Variants in MFN2 observed in about 807,000 individuals in gnomAD.
MFN2 encodes the protein mitofusin-2.
A neutral mutation model predicts 87.5 loss-of-function variants in MFN2; 43 were observed. The observed-to-expected ratio is 0.49, with a 90% CI of 0.38 to 0.63. The LOEUF (loss-of-function observed/expected upper bound fraction) is 0.63. MFN2 is among the 30% of genes least tolerant of loss of function. The pLI, the probability that MFN2 is intolerant of heterozygous loss-of-function variation, is 0.00. For missense variants in MFN2, 743 were observed against 972.8 expected (o/e 0.76, Z 3.14); for synonymous variants, 337 against 359.9 (o/e 0.94, Z 0.72).
intron 11 of MFN2, among the ~76,000 whole-genome samples, chr1:12,002,749 TGTTAA>T (rs1291956037): frequency 6.6e-6 from 1 of 152,234 alleles, no homozygotes; most frequent in Non-Finnish European, 1.5e-5. Flanking sequence ...CAGTTGTTTA[TGTTAA>T]GTTAAAATTT....
chr1:12,013,213 G>T lies in MFN2; in HGVS notation c.*1648G>T. ...CTTTTTGAAAAAAAAAAATTCTTTA[G>T]CGTAAACATGAATTTTTTTTCAATG... On this transcript the variant is annotated 3_prime_UTR_variant, in exon 19 of 19. Transcript: ENST00000235329. 2.9e-6 allele frequency: 1 copy of T among 341,570 alleles called. No homozygotes were observed. Among genetic ancestry groups the T allele is most frequent in the Non-Finnish European group, 6.0e-6 (1 of 167,652 alleles). The allele number at this position is 341,570 out of a possible 1,614,324, so 21.2% of individuals were successfully genotyped here. A position where few individuals can be genotyped will look rare whatever the true frequency, so the allele number is the denominator to read the frequency against.
rs572074141 is a variant in MFN2 at position 11,997,525 on chromosome 1, T to A, written c.599+104T>A. On this transcript the variant is annotated intron_variant, in intron 6 of 18. Transcript: ENST00000235329. ...CCCTGGGCCCCATCCTTGCTCTGCT[T>A]AAGTATTACTACCTTTCAGATGGGC... 34 of 1,483,762 alleles carry A rather than the reference T, an allele frequency of 2.3e-5. No individual in the cohort carries two copies. In the African/African-American group the frequency reaches 4.3e-4, roughly 19 times the overall value. 91.9% of individuals were successfully genotyped at this position (1,483,762 alleles called of 1,614,324 possible).
At chr1:11,987,629 CAG>C (rs1557514472) in intron 2 of MFN2, among the ~76,000 whole-genome samples, 1 of 134,810 alleles carries the variant, frequency 7.4e-6, no homozygotes. Flanking sequence ...GACTCTGTCT[CAG>C]AAAAAAAAAA....
intron 14 of MFN2, 120 bp from the exon 15 acceptor site, chr1:12,005,591 C>A: frequency 9.4e-7 from 1 of 1,069,394 alleles, no homozygotes; most frequent in Non-Finnish European, 1.4e-6. Context: ...GGGTGTGGTT[C>A]CCAGGCAAAG....
At position 12,007,262 on chromosome 1, in the gene MFN2, G is replaced by A. The variant is rs766629075; in HGVS notation, c.2069+13G>A. The A allele has an allele frequency of 3.7e-6, 6 of 1,612,962 alleles. No individual in the cohort carries two copies. The East Asian group carries it at 1.3e-4, about 36-fold the overall frequency. ...ACCAAGTCCAGCAGTGAGTGGCCCTGTCGGACCCCAGCAGGGGACTTCCTT... is the reference window on the plus strand; with the variant it reads ...ACCAAGTCCAGCAGTGAGTGGCCCTATCGGACCCCAGCAGGGGACTTCCTT... On this transcript the variant is annotated intron_variant, in intron 17 of 18. Transcript: ENST00000235329.
intron 3 of MFN2, among the ~76,000 whole-genome samples, chr1:11,991,793 G>A (rs954802287): frequency 6.7e-5 from 10 of 149,840 alleles, no homozygotes; most frequent in Non-Finnish European, 3.0e-5. Context: ...GCGTAGTGGC[G>A]GGCGCCTGTA....
intron 2 of MFN2, among the ~76,000 whole-genome samples, chr1:11,985,671 T>G (rs933376248): frequency 6.6e-6 from 1 of 152,106 alleles, no homozygotes; most frequent in African/African-American, 2.4e-5. Context: ...TTTCACCATG[T>G]TGGCTAGACT....
intron 17 of MFN2, among the ~76,000 whole-genome samples, chr1:12,009,387 C>T (rs902444309): frequency 4.6e-5 from 7 of 152,130 alleles, no homozygotes; most frequent in South Asian, 2.1e-4. Flanking sequence ...CTTCTCAGGC[C>T]GTGGTGATGC....
At chr1:11,991,923 CAA>C (rs35314016) in intron 3 of MFN2, among the ~76,000 whole-genome samples, 173 of 16,674 alleles carry the variant, frequency 0.01, no homozygotes, top group African/African-American at 0.03. Context: ...GACTCCGTCT[CAA>C]AAAAAAAAAA....
rs1639706861 is a variant in MFN2 at position 12,011,696 on chromosome 1, G to A, written c.*131G>A. ...CCAAGAGAATGAAGCACCCAGTCTC[G>A]TACCATTTTGAGCCCTCCAGCACTA... On this transcript the variant is annotated 3_prime_UTR_variant, in exon 19 of 19. Transcript: ENST00000235329. 6 of 936,560 alleles carry A rather than the reference G, an allele frequency of 6.4e-6. No homozygotes were observed. The highest frequency in any genetic ancestry group is 3.2e-5 in the African/African-American group (2 of 61,720). The allele number at this position is 936,560 out of a possible 1,614,324, so 58.0% of individuals were successfully genotyped here.
At chr1:12,008,363 G>A (rs1238664864) in intron 17 of MFN2, among the ~76,000 whole-genome samples, 3 of 149,406 alleles carry the variant, frequency 2.0e-5, no homozygotes, top group Admixed American at 1.3e-4. Context: ...ATGGGGCGGC[G>A]GCCGGGCGGA....
Position 12,013,107 on chromosome 1 carries a change from T to G in MFN2, c.*1542T>G, listed in dbSNP as rs1204376755. 1 of 345,358 alleles carries G rather than the reference T, an allele frequency of 2.9e-6. No individual in the cohort carries two copies. Among genetic ancestry groups the G allele is most frequent in the Non-Finnish European group, 5.7e-6 (1 of 176,932 alleles). The allele number at this position is 345,358 out of a possible 1,614,324, so 21.4% of individuals were successfully genotyped here. On this transcript the variant is annotated 3_prime_UTR_variant, in exon 19 of 19. Coordinates refer to ENST00000235329, the MANE Select transcript of MFN2 (RefSeq NM_014874.4). The stretch of plus-strand genomic sequence containing the variant: ...GCTGTGGGTGGATGTTCCCGGCGTG[T>G]GCCGGGCCTGAATGGACAGGGGCCA...
At position 11,999,087 on chromosome 1, in the gene MFN2, A is replaced by G. The variant is rs748318825; in HGVS notation, c.808A>G (p.Met270Val). 1.9e-6 allele frequency: 3 copies of G among 1,614,022 alleles called. No homozygotes were observed. Among genetic ancestry groups the G allele is most frequent in the African/African-American group, 2.7e-5 (2 of 74,932 alleles). Residue 270 changes from methionine (M) to valine (V), a missense_variant, in exon 8 of 19, where the codon ATG becomes GTG. Physicochemically the swap from Met to Val is conservative, Grantham distance 21. This residue lies in a region of MFN2 where 571 missense variants were observed against 670.7 expected (regional missense o/e 0.85). Transcript: ENST00000235329. ...WDASASEPEY[M>V]EEVRRQHMER... The stretch of plus-strand genomic sequence containing the variant: ...TGCATCTGCCTCAGAGCCCGAGTAC[A>G]TGGAGGAGGTTCGTGCTTCTGTTTG...
chr1:12,006,220 C>G (rs188937371), intron 15 of MFN2, among the ~76,000 whole-genome samples: 1 of 152,332 alleles, frequency 6.6e-6, no homozygotes, highest in African/African-American at 2.4e-5. Context: ...CTACATACGA[C>G]TATTTTAAAG....
rs1436209269 is a variant in MFN2, at chr1:12,005,884, C to T, written c.1669C>T (p.Leu557=). 6.2e-7 allele frequency: 1 copy of T among 1,614,156 alleles called. No homozygotes were observed. The highest frequency in any genetic ancestry group is 8.5e-7 in the Non-Finnish European group (1 of 1,180,032). The change falls in exon 15 of 19, where the codon CTG becomes TTG. Residue 557 remains leucine (L), a synonymous_variant. Transcript: ENST00000235329. ...ATGGACCATGCTGGTGAATAGGTTCCTGGGCCCCAAGAACAGCCGTCGGGC... is the reference window on the plus strand; with the variant it reads ...ATGGACCATGCTGGTGAATAGGTTCTTGGGCCCCAAGAACAGCCGTCGGGC... The part of the protein sequence containing the change: ...LGWTMLVNRF[L]GPKNSRRALM...
chr1:12,008,042 T>G (rs899907525), intron 17 of MFN2, among the ~76,000 whole-genome samples: 13 of 152,194 alleles, frequency 8.5e-5, no homozygotes, highest in Admixed American at 1.3e-4. Context: ...ACACAGCACA[T>G]GTTTCAGAGA....
chr1:12,007,062 G>A lies in MFN2; in HGVS notation c.1882G>A (p.Ala628Thr), dbSNP rs145413511. 2 of 1,613,536 alleles carry A rather than the reference G, an allele frequency of 1.2e-6. No individual in the cohort carries two copies. Among genetic ancestry groups the A allele is most frequent in the African/African-American group, 2.7e-5 (2 of 74,926 alleles). ...ACCATGTGCTCTGCAGGTGTGGAAG[G>A]CAGTGGGCTGGCGGCTCATTGCCCT... ...ILVVGGVVWKAVGWRLIALSF... is the reference protein window; with the variant it reads ...ILVVGGVVWKTVGWRLIALSF... Residue 628 changes from alanine (A) to threonine (T), a missense_variant, in exon 17 of 19, where the codon GCA becomes ACA. By Grantham distance (58) the Ala-to-Thr change is moderately conservative (BLOSUM62 0). Coordinates refer to ENST00000235329, the MANE Select transcript of MFN2 (RefSeq NM_014874.4).
chr1:11,988,902 A>G (rs1439489153), intron 2 of MFN2, among the ~76,000 whole-genome samples: 1 of 151,940 alleles, frequency 6.6e-6, no homozygotes, highest in Non-Finnish European at 1.5e-5. Flanking sequence ...GGGTTTCACC[A>G]TGTTGGCCAG....
Position 12,005,694 on chromosome 1 carries a change from A to G in MFN2, c.1496-17A>G, listed in dbSNP as rs889325599. The G allele has an allele frequency of 1.9e-6, 3 of 1,612,898 alleles. No individual in the cohort carries two copies. The African/African-American group carries it at 4.0e-5, about 22-fold the overall frequency. On this transcript the variant is annotated splice_polypyrimidine_tract_variant and intron_variant, in intron 14 of 18. Coordinates refer to ENST00000235329, the MANE Select transcript of MFN2 (RefSeq NM_014874.4). ...GGCTGAGCTGATAAGCTTTTCCTCC[A>G]TTTCTCTTCCTGACAGATGGCTTGA...
Sources: allele counts gnomAD v4.1 joint callset (sites outside exome capture counted in the v4.1 genomes callset), GRCh38; gene constraint gnomAD v4.1.1; regional missense constraint gnomAD v4.1.1; transcripts MANE v1.5; gene names NCBI Gene and HGNC (gene_info 2026-07-23, HGNC 2026-07-21).